Variants in FUBP3 observed in about 807,000 individuals in gnomAD.
FUBP3 encodes far upstream element-binding protein 3.
FUBP3 carries 28 observed loss-of-function variants against 85.6 expected under a neutral mutation model. That is an observed-to-expected ratio of 0.33 (90% CI 0.24 to 0.45). The LOEUF is 0.45. Among genes scored for constraint, FUBP3 ranks in the 20% least tolerant of loss-of-function variants. The pLI, the probability that FUBP3 is intolerant of heterozygous loss-of-function variation, is 1.00. For synonymous variants in FUBP3, 271 were observed against 271.4 expected, an observed-to-expected ratio of 1.00 and a Z score of 0.01; for missense variants, 583 against 755.1, an observed-to-expected ratio of 0.77 and a Z score of 2.67.
chr9:130,618,648 C>T (rs1263038676), intron 8 of FUBP3, among the ~76,000 whole-genome samples: 1 of 152,198 alleles, frequency 6.6e-6, no homozygotes, highest in Non-Finnish European at 1.5e-5. Flanking sequence ...CCACCTGCAG[C>T]CTGTCTTGCC....
At chr9:130,598,109 A>G (rs1830959878) in intron 2 of FUBP3, among the ~76,000 whole-genome samples, 1 of 152,228 alleles carries the variant, frequency 6.6e-6, no homozygotes, top group Non-Finnish European at 1.5e-5. Context: ...CTACTGGGTG[A>G]TCTTTGGCCA....
intron 1 of FUBP3, among the ~76,000 whole-genome samples, chr9:130,580,228 G>A (rs1045083204): frequency 2.6e-5 from 4 of 152,234 alleles, no homozygotes; most frequent in Non-Finnish European, 5.9e-5. Context: ...CATCTTATAT[G>A]TGAGGGTGCT....
intron 1 of FUBP3, among the ~76,000 whole-genome samples, chr9:130,586,408 T>C (rs188596889): frequency 8.2e-4 from 125 of 152,302 alleles, no homozygotes; most frequent in Middle Eastern, 3.4e-3. Flanking sequence ...CTCTCTCTTT[T>C]TTTTGTAAAT....
At chr9:130,600,715 A>G (rs550710597) in intron 2 of FUBP3, among the ~76,000 whole-genome samples, 26 of 152,184 alleles carry the variant, frequency 1.7e-4, no homozygotes, top group Admixed American at 3.9e-4. Context: ...GCTTATGCCT[A>G]TAATCCCAGC....
intron 2 of FUBP3, among the ~76,000 whole-genome samples, chr9:130,602,656 G>A (rs1831213043): frequency 6.6e-6 from 1 of 152,162 alleles, no homozygotes; most frequent in Admixed American, 6.5e-5. Context: ...GGGATGAAAA[G>A]CCAAGACCAA....
chr9:130,585,190 A>G (rs966051838), intron 1 of FUBP3, among the ~76,000 whole-genome samples: 4 of 152,182 alleles, frequency 2.6e-5, no homozygotes, highest in Admixed American at 6.5e-5. Flanking sequence ...TGGTTTCCCT[A>G]GAAAAGATCT....
intron 1 of FUBP3, among the ~76,000 whole-genome samples, chr9:130,590,830 C>T (rs1830591896): frequency 6.6e-6 from 1 of 152,068 alleles, no homozygotes; most frequent in Non-Finnish European, 1.5e-5. Flanking sequence ...AAAATGTGCA[C>T]TGAGAATAAT....
chr9:130,628,595 G>T (rs1830087628), intron 12 of FUBP3, among the ~76,000 whole-genome samples: 1 of 152,286 alleles, frequency 6.6e-6, no homozygotes, highest in Admixed American at 6.5e-5. Flanking sequence ...GGGGCCCAGT[G>T]GGGAGGGCCG....
At position 130,583,757 on chromosome 9, in the gene FUBP3, C is replaced by T. The variant is rs145849408; in HGVS notation, c.84+3993C>T. Among the ~76,000 whole-genome samples, 20 of 152,188 alleles carry T rather than the reference C, an allele frequency of 1.3e-4. No individual in the cohort carries two copies. In the East Asian group the frequency reaches 1.4e-3, roughly 10 times the overall value. ...TTGGTGATGTCACTGAGTGTGTGTG[C>T]GCCACCACATGTTAATGGAAGTGCT... On this transcript the variant is annotated intron_variant, in intron 1 of 18. Coordinates refer to ENST00000319725, the MANE Select transcript of FUBP3 (RefSeq NM_003934.2).
chr9:130,636,455 G>A (rs750664), intron 18 of FUBP3, among the ~76,000 whole-genome samples: 4,649 of 152,320 alleles, frequency 0.031, 220 homozygotes, highest in African/African-American at 0.11. Flanking sequence ...TTCCCTAACC[G>A]TAAAGGAGCA....
chr9:130,616,575 T>G lies in FUBP3; in HGVS notation c.567+58T>G, dbSNP rs1232953564. On this transcript the variant is annotated intron_variant, in intron 7 of 18. Coordinates refer to ENST00000319725, the MANE Select transcript of FUBP3 (RefSeq NM_003934.2). This position sits in a 1 kb window ranked among gnomAD's most constrained non-coding sequence, Gnocchi z 4.7. ...CGCTCGCAGCAGGTCTTCAGCTTCC[T>G]GGCCCAGGAGATCTGCTTACGGCTG... 1 of 1,536,554 alleles carries G rather than the reference T, an allele frequency of 6.5e-7. No homozygotes were observed. Among genetic ancestry groups the G allele is most frequent in the African/African-American group, 1.4e-5 (1 of 73,498 alleles).
intron 3 of FUBP3, among the ~76,000 whole-genome samples, chr9:130,610,889 C>T (rs61065952): frequency 0.2 from 30,036 of 152,030 alleles, 4,908 homozygotes; most frequent in African/African-American, 0.45. Flanking sequence ...TGTTGATGAA[C>T]TGAAAAATTT....
At position 130,601,950 on chromosome 9, in the gene FUBP3, C is replaced by T. The variant is rs551247845; in HGVS notation, c.190+6362C>T. On this transcript the variant is annotated intron_variant, in intron 2 of 18. Transcript: ENST00000319725. ...CCAATTAGCTGGGATTACAGGCGTGCGCCACCACAACTAGCTAATTTTTGT... is the reference window on the plus strand; with the variant it reads ...CCAATTAGCTGGGATTACAGGCGTGTGCCACCACAACTAGCTAATTTTTGT... Among the ~76,000 whole-genome samples the T allele has an allele frequency of 7.9e-5, 12 of 151,818 alleles. No individual in the cohort carries two copies. In the South Asian group the frequency reaches 1.0e-3, roughly 13 times the overall value.
At chr9:130,594,624 TG>T (rs753817982) in intron 1 of FUBP3, among the ~76,000 whole-genome samples, 6 of 152,146 alleles carry the variant, frequency 3.9e-5, no homozygotes, top group Admixed American at 3.9e-4. Flanking sequence ...CTGGACGTGG[TG>T]GTGCGTACTT....
intron 3 of FUBP3, 40 bp downstream of exon 3, chr9:130,610,027 C>G: frequency 2.8e-6 from 4 of 1,452,708 alleles, no homozygotes; most frequent in Non-Finnish European, 3.9e-6. Context: ...TTGATCATTT[C>G]TAATTGTTTA....
rs1415804897 is a variant in FUBP3, at chr9:130,616,220, G to GGGGGCA, written c.405-132_405-127dup. On this transcript the variant is annotated intron_variant, in intron 6 of 18. Transcript: ENST00000319725. This position sits in a 1 kb window ranked among gnomAD's most constrained non-coding sequence, Gnocchi z 4.7. ...GATGGCAGAGAGACCTCCGGGTTGT[G>GGGGGCA]GGGGCAGGAGCTGGAGCTGGATGGA... 7 of 749,926 alleles carry GGGGGCA rather than the reference G, an allele frequency of 9.3e-6. No homozygotes were observed. The East Asian group carries it at 1.9e-4, about 20-fold the overall frequency. 46.5% of individuals were successfully genotyped at this position (749,926 alleles called of 1,614,324 possible).
chr9:130,623,539 G>C, intron 10 of FUBP3, 72 bp from the exon 11 acceptor site: 4 of 977,994 alleles, frequency 4.1e-6, no homozygotes, highest in Admixed American at 3.6e-5. Context: ...TATTGATTGG[G>C]AATCAGATTA....
At position 130,605,427 on chromosome 9, in the gene FUBP3, T is replaced by G. The variant is rs147209322; in HGVS notation, c.191-4527T>G. Among the ~76,000 whole-genome samples the G allele has an allele frequency of 6.3e-3, 965 of 152,156 alleles. 6 individuals carry two copies. Among genetic ancestry groups the G allele is most frequent in the Middle Eastern group, 0.024 (7 of 294 alleles). On this transcript the variant is annotated intron_variant, in intron 2 of 18. Coordinates refer to ENST00000319725, the MANE Select transcript of FUBP3 (RefSeq NM_003934.2). The stretch of plus-strand genomic sequence containing the variant: ...TGATAAGTGTTGAAACCCACAAAAT[T>G]AAAGGACAGGGGAAGATGAAGGGGT...
chr9:130,631,580 A>C lies in FUBP3; in HGVS notation c.1302A>C (p.Gly434=). 6.2e-7 allele frequency: 1 copy of C among 1,613,960 alleles called. No individual in the cohort carries two copies. The highest frequency in any genetic ancestry group is 8.5e-7 in the Non-Finnish European group (1 of 1,179,846). Reference sequence around the variant, plus strand: ...AGGGGACCAATCTCGGAGCACCTGGAGCCTTCGGACAGAGTCCATTCAGCC... The same window carrying C: ...AGGGGACCAATCTCGGAGCACCTGGCGCCTTCGGACAGAGTCCATTCAGCC... ...KVGGTNLGAP[G]AFGQSPFSQP... The change falls in exon 14 of 19, where the codon GGA becomes GGC. Residue 434 remains glycine, a synonymous_variant. Coordinates refer to ENST00000319725, the MANE Select transcript of FUBP3 (RefSeq NM_003934.2).
Sources: gnomAD v4.1 joint callset for allele counts (sites outside exome capture counted in the v4.1 genomes callset) on GRCh38, gnomAD v4.1.1 for gene constraint, Gnocchi (gnomAD v3.1) non-coding constraint, MANE v1.5 for transcripts, NCBI Gene and HGNC (gene_info 2026-07-23, HGNC 2026-07-21) for gene names.